ARHGAP32: variants seen among roughly 807,000 people sequenced by gnomAD.
ARHGAP32 encodes rho GTPase-activating protein 32.
In ARHGAP32, 51 loss-of-function variants were observed where a neutral mutation model predicts 186.5. The observed-to-expected ratio is 0.27, with a 90% CI of 0.22 to 0.35. ARHGAP32 has a LOEUF of 0.35. ARHGAP32 is among the 10% of genes least tolerant of loss of function. The pLI, the probability that ARHGAP32 is intolerant of heterozygous loss-of-function variation, is 1.00. For synonymous variants in ARHGAP32, 950 were observed against 964.3 expected, an observed-to-expected ratio of 0.99 and a Z score of 0.27; for missense variants, 2,186 against 2,623.5, an observed-to-expected ratio of 0.83 and a Z score of 3.64.
At chr11:129,112,784 T>C (rs1942263395) in intron 5 of ARHGAP32, among the ~76,000 whole-genome samples, 1 of 152,154 alleles carries the variant, frequency 6.6e-6, no homozygotes, top group Non-Finnish European at 1.5e-5. Flanking sequence ...TAAATCAAAA[T>C]ACCAATCAAA....
At chr11:129,174,300 G>T (rs1184150175) in intron 1 of ARHGAP32, among the ~76,000 whole-genome samples, 1 of 152,224 alleles carries the variant, frequency 6.6e-6, no homozygotes, top group Non-Finnish European at 1.5e-5. Context: ...TACGCCCACG[G>T]AGTCTCGCTG....
chr11:129,110,214 G>A (rs973889384), intron 5 of ARHGAP32, among the ~76,000 whole-genome samples: 2 of 151,918 alleles, frequency 1.3e-5, no homozygotes, highest in Non-Finnish European at 2.9e-5. Context: ...CTTTATCAAT[G>A]TATATTTTTG....
At chr11:129,139,965 G>C (rs534309022) in intron 2 of ARHGAP32, among the ~76,000 whole-genome samples, 1 of 152,128 alleles carries the variant, frequency 6.6e-6, no homozygotes, top group Non-Finnish European at 1.5e-5. Flanking sequence ...AATCAATCTA[G>C]GTACTGCTGA....
chr11:128,996,260 G>C (rs1379676238), intron 12 of ARHGAP32, among the ~76,000 whole-genome samples: 1 of 151,706 alleles, frequency 6.6e-6, no homozygotes, highest in African/African-American at 2.4e-5. Flanking sequence ...TTTAATGTTT[G>C]TATCTATTCT....
intron 11 of ARHGAP32, among the ~76,000 whole-genome samples, chr11:129,001,540 T>C (rs1946358683): frequency 6.6e-6 from 1 of 152,190 alleles, no homozygotes. Flanking sequence ...AGTTTGCAAA[T>C]ATTTTCTCCC....
In ARHGAP32 at chr11:128,984,369, T is replaced by G. The variant is rs368630865; in HGVS notation, c.1526+1634A>C. ...CAGCCTGGGTAACAGAGTGAGACCCTGCCTCAAAAAAAAAAAGGAAATAGA... is the reference window on the plus strand; with the variant it reads ...CAGCCTGGGTAACAGAGTGAGACCCGGCCTCAAAAAAAAAAAGGAAATAGA... On this transcript the variant is annotated intron_variant, in intron 15 of 22. Coordinates refer to ENST00000682385, the MANE Select transcript of ARHGAP32 (RefSeq NM_001378024.1). 2.0e-3 allele frequency among the ~76,000 whole-genome samples: 304 copies of G among 150,856 alleles called. 6 individuals are homozygous for G. In the South Asian group the frequency reaches 0.044, roughly 22 times the overall value.
chr11:129,264,044 T>C (rs561813562), intron 1 of ARHGAP32, among the ~76,000 whole-genome samples: 2 of 152,164 alleles, frequency 1.3e-5, no homozygotes, highest in Admixed American at 6.6e-5. Flanking sequence ...CACAATGGAA[T>C]AGTATTCACC....
Position 129,207,288 on chromosome 11 carries a change from G to T in ARHGAP32, c.-4-42861C>A, listed in dbSNP as rs572546694. 3.3e-5 allele frequency among the ~76,000 whole-genome samples: 5 copies of T among 152,212 alleles called. No individual in the cohort carries two copies. In the East Asian group the frequency reaches 7.7e-4, roughly 24 times the overall value. On this transcript the variant is annotated intron_variant, in intron 1 of 6. Transcript: ENST00000525234. ...ATCGTTGAGTCAAATGGCATTTCTG[G>T]TTCTAGATCCTTGAGGAATCGTCAC...
At chr11:129,016,197 A>G (rs144094465) in intron 11 of ARHGAP32, among the ~76,000 whole-genome samples, 1 of 152,290 alleles carries the variant, frequency 6.6e-6, no homozygotes, top group East Asian at 1.9e-4. Flanking sequence ...AACTGATCAT[A>G]TCCTTGCCCA....
chr11:129,189,793 A>G (rs977072701), intron 1 of ARHGAP32, among the ~76,000 whole-genome samples: 4 of 152,200 alleles, frequency 2.6e-5, no homozygotes, highest in Non-Finnish European at 5.9e-5. Flanking sequence ...TTCAAAAGCT[A>G]CTGGACAAAC....
intron 1 of ARHGAP32, among the ~76,000 whole-genome samples, chr11:129,174,273 C>A (rs1358567662): frequency 6.6e-6 from 1 of 152,230 alleles, no homozygotes; most frequent in African/African-American, 2.4e-5. Context: ...ATATCCCGCA[C>A]ATGGCTCGGA....
intron 3 of ARHGAP32, among the ~76,000 whole-genome samples, chr11:129,124,216 C>T (rs2135383745): frequency 6.6e-6 from 1 of 152,124 alleles, no homozygotes; most frequent in Admixed American, 6.5e-5. Flanking sequence ...TTATACAGAG[C>T]CTGAAGGTAA....
intron 1 of ARHGAP32, among the ~76,000 whole-genome samples, chr11:129,202,119 A>G (rs1307608320): frequency 6.6e-6 from 1 of 152,178 alleles, no homozygotes; most frequent in Non-Finnish European, 1.5e-5. Context: ...TAATAAAAAT[A>G]GTATTTTTAA....
chr11:129,143,043 TAGC>T (rs1162676890), intron 2 of ARHGAP32, among the ~76,000 whole-genome samples: 15 of 94,662 alleles, frequency 1.6e-4, no homozygotes, highest in South Asian at 3.2e-4. Flanking sequence ...GAAAAAAAAA[TAGC>T]AGCTGTCTAT....
At chr11:129,233,500 T>C (rs1263821393) in intron 1 of ARHGAP32, among the ~76,000 whole-genome samples, 1 of 152,082 alleles carries the variant, frequency 6.6e-6, no homozygotes, top group Non-Finnish European at 1.5e-5. Context: ...ACTCTACCAA[T>C]GCTGAAATGG....
At chr11:128,994,542 C>G (rs1237011230) in intron 12 of ARHGAP32, among the ~76,000 whole-genome samples, 2 of 151,796 alleles carry the variant, frequency 1.3e-5, no homozygotes, top group Non-Finnish European at 2.9e-5. Context: ...TGGTCTCAAA[C>G]CCCTAGGCTC....
intron 6 of ARHGAP32, among the ~76,000 whole-genome samples, chr11:129,078,854 A>G (rs943626565): frequency 6.6e-6 from 1 of 152,144 alleles, no homozygotes; most frequent in African/African-American, 2.4e-5. Context: ...AACTTAAAGA[A>G]ATTTTAGAAA....
chr11:129,108,376 T>C (rs1024654801), intron 5 of ARHGAP32, among the ~76,000 whole-genome samples: 1 of 152,024 alleles, frequency 6.6e-6, no homozygotes, highest in South Asian at 2.1e-4. Context: ...AAATAGACAT[T>C]AGGACAAAAA....
chr11:128,970,992 C>T lies in ARHGAP32; in HGVS notation c.4221G>A (p.Pro1407=), dbSNP rs772807185. ...CAGACTCGGCGCGCAGGTGCAGCAG[C>T]GGGACCCGGGCACCGTCCCGCACTT... ...PEKVRDGARV[P]LLHLRAESVP... is the part of the protein sequence containing the mutation. Residue 1407 remains proline, a synonymous_variant, in exon 23 of 23, where the codon CCG becomes CCA. Coordinates refer to ENST00000682385, the MANE Select transcript of ARHGAP32 (RefSeq NM_001378024.1). This position sits in a 1 kb window ranked among gnomAD's most constrained non-coding sequence, Gnocchi z 5.8. 3.8e-5 allele frequency: 62 copies of T among 1,613,606 alleles called. No individual in the cohort carries two copies. In the East Asian group the frequency reaches 6.5e-4, roughly 17 times the overall value.
Sources: gnomAD v4.1 joint callset for allele counts (sites outside exome capture counted in the v4.1 genomes callset) on GRCh38, gnomAD v4.1.1 for gene constraint, Gnocchi (gnomAD v3.1) non-coding constraint, MANE v1.5 for transcripts, NCBI Gene and HGNC (gene_info 2026-07-23, HGNC 2026-07-21) for gene names.